PDE5A: variants seen among roughly 807,000 people sequenced by gnomAD.
PDE5A encodes the protein cGMP-specific 3',5'-cyclic phosphodiesterase.
PDE5A carries 67 observed loss-of-function variants against 110.2 expected under a neutral mutation model. That is an observed-to-expected ratio of 0.61 (90% CI 0.50 to 0.75). The LOEUF is 0.75. Among genes scored for constraint, PDE5A ranks in the 30% least tolerant of loss-of-function variants. The probability of loss-of-function intolerance (pLI) is 0.00; values close to 1 mark genes in which losing one functional copy is unlikely to be tolerated. For synonymous variants in PDE5A, 328 were observed against 351.2 expected, an observed-to-expected ratio of 0.93 and a Z score of 0.74; for missense variants, 862 against 1,045.1, an observed-to-expected ratio of 0.82 and a Z score of 2.42.
intron 3 of PDE5A, among the ~76,000 whole-genome samples, chr4:119,592,204 C>T (rs947187257): frequency 2.8e-5 from 4 of 144,654 alleles, no homozygotes; most frequent in African/African-American, 1.0e-4. Context: ...GCCTGTAATC[C>T]CAGCATTTTG....
At chr4:119,574,210 TCTC>T (rs1231072060) in intron 3 of PDE5A, among the ~76,000 whole-genome samples, 4 of 107,280 alleles carry the variant, frequency 3.7e-5, no homozygotes, top group Non-Finnish European at 6.9e-5. Context: ...TGAGACAGAG[TCTC>T]ACTCTGTCGC....
At chr4:119,593,377 C>G (rs910373674) in intron 3 of PDE5A, among the ~76,000 whole-genome samples, 2 of 152,116 alleles carry the variant, frequency 1.3e-5, no homozygotes, top group Non-Finnish European at 2.9e-5. Context: ...ATATCCATAC[C>G]ATGGAATAAA....
intron 16 of PDE5A, among the ~76,000 whole-genome samples, chr4:119,507,045 C>G (rs540479103): frequency 3.9e-5 from 6 of 151,964 alleles, no homozygotes; most frequent in Admixed American, 3.3e-4. Context: ...TATTTTCTAG[C>G]TTTTAGAAAG....
intron 3 of PDE5A, among the ~76,000 whole-genome samples, chr4:119,567,703 A>G (rs1727992042): frequency 6.6e-6 from 1 of 152,178 alleles, no homozygotes; most frequent in South Asian, 2.1e-4. Context: ...TACCTTCAAC[A>G]GACTTATTTT....
chr4:119,512,354 G>T (rs1725774630), intron 14 of PDE5A: 1 of 152,150 alleles, frequency 6.6e-6, no homozygotes, highest in African/African-American at 2.4e-5. Context: ...TATTTAGTGA[G>T]TTGGACTATG....
chr4:119,519,826 A>G (rs1194954520), intron 13 of PDE5A, among the ~76,000 whole-genome samples: 2 of 152,070 alleles, frequency 1.3e-5, no homozygotes, highest in Non-Finnish European at 2.9e-5. Flanking sequence ...AGTGTTGATA[A>G]TCCTTGTGAC....
chr4:119,569,670 A>T (rs985269853), intron 3 of PDE5A: 18 of 152,618 alleles, frequency 1.2e-4, no homozygotes, highest in African/African-American at 3.9e-4. Flanking sequence ...CAGAGCACTC[A>T]CATTATATTA....
At chr4:119,625,016 T>TC (rs1730291181) in intron 1 of PDE5A, among the ~76,000 whole-genome samples, 1 of 151,778 alleles carries the variant, frequency 6.6e-6, no homozygotes, top group Non-Finnish European at 1.5e-5. Context: ...TATAGCTTTT[T>TC]TTTTTTTTTT....
chr4:119,560,664 C>T (rs930973285), intron 6 of PDE5A, among the ~76,000 whole-genome samples: 3 of 152,094 alleles, frequency 2.0e-5, no homozygotes, highest in Non-Finnish European at 4.4e-5. Flanking sequence ...AAATTTTTTA[C>T]ACTTATTGAA....
At chr4:119,571,990 C>T (rs1214803526) in intron 3 of PDE5A, among the ~76,000 whole-genome samples, 1 of 152,182 alleles carries the variant, frequency 6.6e-6, no homozygotes, top group African/African-American at 2.4e-5. Flanking sequence ...ACATTCCACA[C>T]TCTCAACTTA....
chr4:119,512,447 TA>T (rs1725777189), intron 14 of PDE5A: 2 of 152,166 alleles, frequency 1.3e-5, no homozygotes, highest in African/African-American at 4.8e-5. Flanking sequence ...AGGATGAACT[TA>T]CTGGAAACAG....
intron 15 of PDE5A, among the ~76,000 whole-genome samples, chr4:119,507,931 T>C (rs772818556): frequency 4.6e-5 from 7 of 151,994 alleles, no homozygotes; most frequent in Non-Finnish European, 8.8e-5. Flanking sequence ...TATGCATGTT[T>C]TTCCAACTCT....
At chr4:119,570,791 C>T (rs1728114706) in intron 3 of PDE5A, among the ~76,000 whole-genome samples, 1 of 151,992 alleles carries the variant, frequency 6.6e-6, no homozygotes, top group South Asian at 2.1e-4. Context: ...TCATAGCTAT[C>T]CCTCTCTCTC....
Position 119,498,736 on chromosome 4 carries a change from G to A in PDE5A, c.2493C>T (p.Ala831=), listed in dbSNP as rs775695855. The change falls in exon 21 of 21, where the codon GCC becomes GCT. Residue 831 remains alanine (A), a splice_region_variant and synonymous_variant. Coordinates refer to ENST00000354960, the MANE Select transcript of PDE5A (RefSeq NM_001083.4). ...IDAICLQLYE[A]LTHVSEDCFP... is the part of the protein sequence containing the mutation. ...AACAGTCCTCTGACACGTGGGTCAG[G>A]GCCTAAAGAGAAAAAAGAAAGCAAA... 49 of 1,613,572 alleles carry A rather than the reference G, an allele frequency of 3.0e-5. No homozygotes were observed. The Admixed American group carries it at 7.7e-4, about 25-fold the overall frequency.
At chr4:119,524,812 T>G (rs1726249562) in intron 12 of PDE5A, among the ~76,000 whole-genome samples, 1 of 152,190 alleles carries the variant, frequency 6.6e-6, no homozygotes, top group African/African-American at 2.4e-5. Flanking sequence ...TGCTGCTTCT[T>G]ATTCTTTGAT....
At position 119,627,025 on chromosome 4, in the gene PDE5A, T is replaced by C. The variant is rs888249898; in HGVS notation, c.152+1495A>G. 37 of 1,059,834 alleles carry C rather than the reference T, an allele frequency of 3.5e-5. No homozygotes were observed. Among genetic ancestry groups the C allele is most frequent in the East Asian group, 5.2e-5 (2 of 38,790 alleles). The allele number at this position is 1,059,834 out of a possible 1,614,324, so 65.7% of individuals were successfully genotyped here. On this transcript the variant is annotated intron_variant, in intron 1 of 20. Transcript: ENST00000354960. This position sits in a 1 kb window ranked among gnomAD's most constrained non-coding sequence, Gnocchi z 4.6. ...AGAATAACAACAACAACAAAAGTTA[T>C]ACAGTCAATTTTCAATGATACATCG...
chr4:119,610,430 A>AT (rs1026503063), intron 1 of PDE5A, among the ~76,000 whole-genome samples: 2 of 152,236 alleles, frequency 1.3e-5, no homozygotes, highest in Non-Finnish European at 2.9e-5. Flanking sequence ...AAAAATAGAC[A>AT]TTTTAACAAT....
chr4:119,499,881 T>TAA (rs998633281), intron 20 of PDE5A: 13 of 152,210 alleles, frequency 8.5e-5, no homozygotes, highest in Admixed American at 5.9e-4. Context: ...AGTGAGAACA[T>TAA]AACTATTTCT....
At position 119,596,591 on chromosome 4, in the gene PDE5A, C is replaced by A. The variant is rs200284542; in HGVS notation, c.763G>T (p.Val255Phe). The A allele has an allele frequency of 6.3e-7, 1 of 1,593,870 alleles. No individual in the cohort carries two copies. The highest frequency in any genetic ancestry group is 8.6e-7 in the Non-Finnish European group (1 of 1,168,438). ...GTCTTGTAGCCTGTAATTTGGTCAA[C>A]TTCTGCATTGAACCGAGGATCCTAG... ...AYEDPRFNAE[V>F]DQITGYKTQS... Residue 255 changes from valine to phenylalanine, a missense_variant, in exon 3 of 21, where the codon GTT becomes TTT. By Grantham distance (50) the Val-to-Phe change is conservative. Transcript: ENST00000354960.
Sources: gnomAD v4.1 joint callset for allele counts (sites outside exome capture counted in the v4.1 genomes callset) on GRCh38, gnomAD v4.1.1 for gene constraint, Gnocchi (gnomAD v3.1) non-coding constraint, MANE v1.5 for transcripts, NCBI Gene and HGNC (gene_info 2026-07-23, HGNC 2026-07-21) for gene names.